The following VAMP7 variants were observed in gnomAD, a reference collection of about 807,000 sequenced individuals.
The protein encoded by VAMP7 is vesicle associated membrane protein 7.
VAMP7 carries 14 observed loss-of-function variants against 29.6 expected under a neutral mutation model. That is an observed-to-expected ratio of 0.47 (90% CI 0.31 to 0.74). The LOEUF (loss-of-function observed/expected upper bound fraction) is 0.74. Among genes scored for constraint, VAMP7 ranks in the 30% least tolerant of loss-of-function variants. The pLI, the probability that VAMP7 is intolerant of heterozygous loss-of-function variation, is 0.05. For synonymous variants in VAMP7, 95 were observed against 88.1 expected, an observed-to-expected ratio of 1.08 and a Z score of -0.44; for missense variants, 223 against 262.4, an observed-to-expected ratio of 0.85 and a Z score of 1.04.
intron 5 of VAMP7, among the ~76,000 whole-genome samples, chrX:155,901,866 G>A (rs982960943): frequency 3.3e-5 from 5 of 152,022 alleles, no homozygotes; most frequent in Non-Finnish European, 7.4e-5. Context: ...CTCTTTTTTG[G>A]TTCCATATGA....
chrX:155,928,288 G>A (rs1337988459), intron 6 of VAMP7, among the ~76,000 whole-genome samples: 1 of 152,130 alleles, frequency 6.6e-6, no homozygotes, highest in Non-Finnish European at 1.5e-5. Flanking sequence ...ATGGTTATTA[G>A]CTTTCTGTGG....
chrX:155,883,834 C>A (rs755272289), intron 1 of VAMP7, among the ~76,000 whole-genome samples: 1 of 151,930 alleles, frequency 6.6e-6, no homozygotes, highest in African/African-American at 2.4e-5. Context: ...CCTCAGCCCC[C>A]TGAGTAGCTG....
chrX:155,934,642 T>G (rs1391414673), intron 6 of VAMP7, among the ~76,000 whole-genome samples: 3 of 152,158 alleles, frequency 2.0e-5, no homozygotes, highest in African/African-American at 4.8e-5. Flanking sequence ...GATGGGTCTT[T>G]ACTCTTTATC....
chrX:155,907,461 G>A, intron 5 of VAMP7, among the ~76,000 whole-genome samples: 1 of 151,458 alleles, frequency 6.6e-6, no homozygotes, highest in Non-Finnish European at 1.5e-5. Flanking sequence ...TGAGATTAGG[G>A]AGTGGTGATG....
chrX:155,891,754 T>G (rs1261103001), intron 2 of VAMP7, among the ~76,000 whole-genome samples: 3 of 152,234 alleles, frequency 2.0e-5, no homozygotes, highest in Non-Finnish European at 4.4e-5. Context: ...CCAGGAAGTT[T>G]TTCCTTTCTG....
At chrX:155,916,682 C>T (rs1478364231) in intron 5 of VAMP7, among the ~76,000 whole-genome samples, 1 of 152,096 alleles carries the variant, frequency 6.6e-6, no homozygotes, top group African/African-American at 2.4e-5. Flanking sequence ...TGAATATTCG[C>T]CCCCAGTCTC....
At chrX:155,885,899 T>A (rs1316817447) in intron 1 of VAMP7, among the ~76,000 whole-genome samples, 2 of 152,166 alleles carry the variant, frequency 1.3e-5, no homozygotes, top group Non-Finnish European at 2.9e-5. Context: ...GGCGATACAT[T>A]TCTGTTGTTT....
chrX:155,936,599 C>T (rs1188886216), intron 6 of VAMP7, among the ~76,000 whole-genome samples: 3 of 152,192 alleles, frequency 2.0e-5, no homozygotes, highest in Non-Finnish European at 4.4e-5. Flanking sequence ...CCATCTGTCA[C>T]AGCTTCCCTT....
intron 5 of VAMP7, among the ~76,000 whole-genome samples, chrX:155,907,186 T>G (rs1241234406): frequency 6.6e-6 from 1 of 152,122 alleles, no homozygotes; most frequent in East Asian, 1.9e-4. Context: ...TATTATTGGA[T>G]TCATCCTGCC....
At chrX:155,941,738 CTTG>C in intron 7 of VAMP7, 142 bp from the exon 8 acceptor site, 2 of 1,002,858 alleles carry the variant, frequency 2.0e-6, no homozygotes, top group Non-Finnish European at 2.8e-6. Flanking sequence ...TTGGAAAATA[CTTG>C]TTTAGTGTGT....
At chrX:155,893,313 A>G (rs2065947128) in intron 2 of VAMP7, among the ~76,000 whole-genome samples, 1 of 152,178 alleles carries the variant, frequency 6.6e-6, no homozygotes. Context: ...GAGATAGGTC[A>G]GATGGAGATT....
intron 6 of VAMP7, among the ~76,000 whole-genome samples, chrX:155,934,664 T>TCTGTG (rs1206733848): frequency 6.6e-6 from 1 of 152,120 alleles, no homozygotes; most frequent in Non-Finnish European, 1.5e-5. Context: ...AATTTGCCAG[T>TCTGTG]CTGTGTCTTT....
At chrX:155,892,934 G>A (rs2065942687) in intron 2 of VAMP7, among the ~76,000 whole-genome samples, 1 of 151,902 alleles carries the variant, frequency 6.6e-6, no homozygotes, top group Admixed American at 6.6e-5. Flanking sequence ...TGTATTTTTA[G>A]TAGAGATGGG....
intron 6 of VAMP7, among the ~76,000 whole-genome samples, chrX:155,926,398 A>G (rs766629680): frequency 3.3e-5 from 5 of 152,240 alleles, no homozygotes; most frequent in African/African-American, 1.2e-4. Flanking sequence ...TTGTACTTTT[A>G]TGTTATAGAG....
At chrX:155,926,837 T>C (rs1433629171) in intron 6 of VAMP7, among the ~76,000 whole-genome samples, 3 of 152,162 alleles carry the variant, frequency 2.0e-5, no homozygotes, top group African/African-American at 7.2e-5. Context: ...GATGCCATTG[T>C]AAGGTTATTA....
chrX:155,897,169 C>T (rs185266657), intron 3 of VAMP7, among the ~76,000 whole-genome samples: 10 of 151,970 alleles, frequency 6.6e-5, no homozygotes, highest in African/African-American at 2.2e-4. Context: ...AATACTACCC[C>T]GATTATGAAT....
chrX:155,912,165 C>A (rs1384936322), intron 5 of VAMP7, among the ~76,000 whole-genome samples: 1 of 151,824 alleles, frequency 6.6e-6, no homozygotes, highest in Non-Finnish European at 1.5e-5. Context: ...TCCTTCTATG[C>A]CTAGTTTTTT....
intron 1 of VAMP7, among the ~76,000 whole-genome samples, chrX:155,883,647 T>C (rs1013694738): frequency 6.6e-5 from 10 of 152,006 alleles, no homozygotes; most frequent in Non-Finnish European, 1.5e-4. Context: ...AACAGTTGTA[T>C]AACCTCTGTT....
intron 2 of VAMP7, among the ~76,000 whole-genome samples, chrX:155,895,230 GA>G (rs1456227084): frequency 1.3e-5 from 2 of 152,176 alleles, no homozygotes; most frequent in Admixed American, 6.5e-5. Flanking sequence ...GAATTTGGTA[GA>G]AAAGATGTTT....
Sources: allele counts gnomAD v4.1 joint callset (sites outside exome capture counted in the v4.1 genomes callset), GRCh38; gene constraint gnomAD v4.1.1; transcripts MANE v1.5; gene names NCBI Gene and HGNC (gene_info 2026-07-23, HGNC 2026-07-21).